Variants in PSD3 observed in about 807,000 individuals in gnomAD.
PSD3 encodes PH and SEC7 domain-containing protein 3.
PSD3 carries 49 observed loss-of-function variants against 105.5 expected under a neutral mutation model. The observed-to-expected ratio is 0.46, with a 90% confidence interval of 0.37 to 0.59. The LOEUF (loss-of-function observed/expected upper bound fraction) is 0.59. Ranked by LOEUF, PSD3 falls within the 20% of genes least tolerant of loss-of-function variation. The pLI, the probability that PSD3 is intolerant of heterozygous loss-of-function variation, is 0.00. For missense variants in PSD3, 1,561 were observed against 1,263.8 expected, an observed-to-expected ratio of 1.24 and a Z score of -3.57; for synonymous variants, 557 against 457.8, an observed-to-expected ratio of 1.22 and a Z score of -2.77.
At chr8:18,997,339 C>T (rs1216211049) in intron 1 of PSD3, among the ~76,000 whole-genome samples, 2 of 151,834 alleles carry the variant, frequency 1.3e-5, no homozygotes, top group African/African-American at 4.8e-5. Context: ...GTCACCCATG[C>T]TTTCTCCCAC....
chr8:18,973,193 G>T (rs1044800552), intron 1 of PSD3, among the ~76,000 whole-genome samples: 4 of 152,166 alleles, frequency 2.6e-5, no homozygotes, highest in Admixed American at 1.3e-4. Flanking sequence ...ACTGACACGT[G>T]AAAGTATTGA....
chr8:18,747,652 T>A (rs564197294), intron 9 of PSD3, among the ~76,000 whole-genome samples: 10 of 152,252 alleles, frequency 6.6e-5, no homozygotes, highest in African/African-American at 1.7e-4. Flanking sequence ...TATGGCTGGA[T>A]AGTGACAAGA....
chr8:19,063,858 A>G (rs933699910), intron 1 of PSD3, among the ~76,000 whole-genome samples: 6 of 152,092 alleles, frequency 3.9e-5, no homozygotes, highest in African/African-American at 1.4e-4. Flanking sequence ...AAAGAAATTC[A>G]AGGCCGGGCA....
At chr8:18,975,591 A>C (rs1451197254) in intron 1 of PSD3, among the ~76,000 whole-genome samples, 2 of 152,240 alleles carry the variant, frequency 1.3e-5, no homozygotes, top group Admixed American at 6.5e-5. Context: ...AGGTTGACTT[A>C]TGATAGTAAA....
chr8:18,838,154 G>A (rs1045549042), intron 4 of PSD3, among the ~76,000 whole-genome samples: 4 of 152,190 alleles, frequency 2.6e-5, no homozygotes, highest in African/African-American at 9.7e-5. Flanking sequence ...AGCTCATACT[G>A]TATTCACCTT....
chr8:18,967,613 T>G (rs983304200), intron 1 of PSD3, among the ~76,000 whole-genome samples: 1 of 152,186 alleles, frequency 6.6e-6, no homozygotes, highest in African/African-American at 2.4e-5. Flanking sequence ...ACAAAACATC[T>G]TAGAACCTTT....
At chr8:18,559,300 G>T (rs1801255334) in intron 14 of PSD3, among the ~76,000 whole-genome samples, 1 of 152,050 alleles carries the variant, frequency 6.6e-6, no homozygotes, top group Non-Finnish European at 1.5e-5. Context: ...CTTGTAAATT[G>T]TTGCTAATTT....
chr8:19,018,572 A>G (rs1370765955), upstream of PSD3, among the ~76,000 whole-genome samples: 1 of 152,242 alleles, frequency 6.6e-6, no homozygotes, highest in Non-Finnish European at 1.5e-5. Context: ...TGAAAGCTTA[A>G]GAGATATGTA....
chr8:18,765,350 A>G, intron 9 of PSD3, 99 bp downstream of exon 9: 2 of 1,130,910 alleles, frequency 1.8e-6, no homozygotes, highest in Non-Finnish European at 1.3e-6. Flanking sequence ...AAAAGCAAAA[A>G]GCAAAATACT....
intron 2 of PSD3, among the ~76,000 whole-genome samples, chr8:18,927,010 G>A (rs1258161564): frequency 1.3e-5 from 2 of 152,190 alleles, no homozygotes; most frequent in Non-Finnish European, 1.5e-5. Context: ...TAATTAGCTA[G>A]AGTGCCTCAC....
chr8:18,746,476 A>G lies in PSD3; in HGVS notation c.2172+18973T>C, dbSNP rs1201600382. On this transcript the variant is annotated intron_variant, in intron 9 of 15. Coordinates refer to ENST00000327040, the MANE Select transcript of PSD3 (RefSeq NM_015310.4). Reference sequence around the variant, plus strand: ...CAAAGGTACAAGCTCTAACACAGGTAAGCTGGGGCACACCAGCGTGGCCAA... The same window carrying G: ...CAAAGGTACAAGCTCTAACACAGGTGAGCTGGGGCACACCAGCGTGGCCAA... Among the ~76,000 whole-genome samples the G allele has an allele frequency of 2.0e-5, 3 of 152,180 alleles. No homozygotes were observed. In the East Asian group the frequency reaches 5.8e-4, roughly 29 times the overall value.
intron 4 of PSD3, among the ~76,000 whole-genome samples, chr8:18,839,183 A>G (rs1292075841): frequency 1.3e-5 from 2 of 152,108 alleles, no homozygotes; most frequent in Non-Finnish European, 2.9e-5. Flanking sequence ...TAACTTGAGC[A>G]CAGACATACC....
chr8:18,875,153 A>G (rs1817647670), intron 2 of PSD3, among the ~76,000 whole-genome samples: 1 of 152,136 alleles, frequency 6.6e-6, no homozygotes, highest in Non-Finnish European at 1.5e-5. Context: ...TCCTGGCCTC[A>G]AATGATCCTC....
intron 1 of PSD3, among the ~76,000 whole-genome samples, chr8:18,950,103 C>A (rs1823146344): frequency 6.6e-6 from 1 of 152,110 alleles, no homozygotes; most frequent in African/African-American, 2.4e-5. Flanking sequence ...ATAGCTTTGT[C>A]ACGATACTCA....
In PSD3 at chr8:18,978,007, A is replaced by C. The variant is rs181663406; in HGVS notation, c.21+35556T>G. Among the ~76,000 whole-genome samples, 12 of 152,354 alleles carry C rather than the reference A, an allele frequency of 7.9e-5. No homozygotes were observed. In the East Asian group the frequency reaches 2.3e-3, roughly 29 times the overall value. ...GATTTACTGAGAACCCATACGTTCG[A>C]TATCATGACGCTAGCAAGGAAAACA... On this transcript the variant is annotated intron_variant, in intron 1 of 15. Coordinates refer to ENST00000327040, the MANE Select transcript of PSD3 (RefSeq NM_015310.4).
chr8:18,854,571 C>T (rs527989424), intron 4 of PSD3, among the ~76,000 whole-genome samples: 4 of 152,328 alleles, frequency 2.6e-5, no homozygotes, highest in African/African-American at 9.6e-5. Flanking sequence ...AACTTTGCCA[C>T]TGATTTGGTT....
At chr8:19,005,088 G>A (rs547749841) in intron 1 of PSD3, among the ~76,000 whole-genome samples, 4 of 152,020 alleles carry the variant, frequency 2.6e-5, no homozygotes, top group African/African-American at 4.8e-5. Context: ...TTAGAGAAAC[G>A]AAAAGCAAAA....
At chr8:18,717,675 T>A (rs1481120558) in intron 9 of PSD3, among the ~76,000 whole-genome samples, 1 of 152,196 alleles carries the variant, frequency 6.6e-6, no homozygotes, top group Non-Finnish European at 1.5e-5. Context: ...TGATGAAGGG[T>A]CACACTATAA....
intron 6 of PSD3, chr8:18,804,265 G>C (rs1810994176): frequency 2.9e-6 from 1 of 343,984 alleles, no homozygotes; most frequent in South Asian, 1.0e-4. Context: ...AAGGTTCAAA[G>C]GAAATGCTCC....
Sources: allele counts gnomAD v4.1 joint callset (sites outside exome capture counted in the v4.1 genomes callset), GRCh38; gene constraint gnomAD v4.1.1; transcripts MANE v1.5; gene names NCBI Gene and HGNC (gene_info 2026-07-23, HGNC 2026-07-21).